The following VAV2 variants were observed in gnomAD, a reference collection of about 807,000 sequenced individuals.
VAV2 encodes vav guanine nucleotide exchange factor 2, also known as guanine nucleotide exchange factor VAV2.
A neutral mutation model predicts 132.5 loss-of-function variants in VAV2; 67 were observed. The observed-to-expected ratio is 0.51, with a 90% confidence interval of 0.42 to 0.62. VAV2 has a LOEUF of 0.62. Ranked by LOEUF, VAV2 falls within the 20% of genes least tolerant of loss-of-function variation. The pLI is 0.00. For missense variants in VAV2, 938 were observed against 1,153.6 expected (o/e 0.81, Z 2.71); for synonymous variants, 492 against 443.5 (o/e 1.11, Z -1.37).
At chr9:133,953,784 T>C (rs16767) in intron 1 of VAV2, among the ~76,000 whole-genome samples, 39,304 of 151,976 alleles carry the variant, frequency 0.26, 5,191 homozygotes, top group East Asian at 0.41. Context: ...CCAGCTCCCA[T>C]GACCCCGGCT....
In VAV2 at chr9:133,768,226, G is replaced by A. The variant is rs1312479315; in HGVS notation, c.2589+216C>T. On this transcript the variant is annotated intron_variant, in intron 29 of 29. Transcript: ENST00000371850. This position sits in a 1 kb window ranked among gnomAD's most constrained non-coding sequence, Gnocchi z 5.3. ...ATCAGACCTCTGTAGCCGATTTCTGGCTGTGTGACCTTGGGTTCGTGGTAA... is the reference window on the plus strand; with the variant it reads ...ATCAGACCTCTGTAGCCGATTTCTGACTGTGTGACCTTGGGTTCGTGGTAA... 1.3e-5 allele frequency among the ~76,000 whole-genome samples: 2 copies of A among 152,186 alleles called. No individual in the cohort carries two copies. Among genetic ancestry groups the A allele is most frequent in the Non-Finnish European group, 1.5e-5 (1 of 68,038 alleles).
chr9:133,774,836 AC>A, intron 25 of VAV2, 98 bp downstream of exon 25: 1 of 1,099,540 alleles, frequency 9.1e-7, no homozygotes, highest in South Asian at 1.5e-5. Context: ...TGACATGTCC[AC>A]CCCAACCCCA....
intron 4 of VAV2, among the ~76,000 whole-genome samples, chr9:133,820,205 T>C (rs1228334613): frequency 6.6e-6 from 1 of 152,320 alleles, no homozygotes; most frequent in Non-Finnish European, 1.5e-5. Flanking sequence ...TGGTGTCACT[T>C]GGGGAAACAA....
At position 133,841,135 on chromosome 9, in the gene VAV2, A is replaced by C. The variant is rs566186602; in HGVS notation, c.381-6795T>G. Among the ~76,000 whole-genome samples the C allele has an allele frequency of 1.2e-4, 19 of 152,176 alleles. 1 individual carries two copies. The East Asian group carries it at 2.9e-3, about 23-fold the overall frequency. ...GCAGGTGCCTGGGTTCTAGGGGACG[A>C]GCCCGGACAGCTCACGCCTTACTGT... On this transcript the variant is annotated intron_variant, in intron 3 of 29. Transcript: ENST00000371850.
Position 133,926,970 on chromosome 9 carries a change from C to A in VAV2, c.321+12133G>T, listed in dbSNP as rs562326198. Among the ~76,000 whole-genome samples, 1 of 152,298 alleles carries A rather than the reference C, an allele frequency of 6.6e-6. No individual in the cohort carries two copies. The highest frequency in any genetic ancestry group is 1.9e-4 in the East Asian group (1 of 5,180). ...CAAACCTCAGCCATCTCAGAAAAATCAATGCAATTCTGCAAACACCGGGCA... is the reference window on the plus strand; with the variant it reads ...CAAACCTCAGCCATCTCAGAAAAATAAATGCAATTCTGCAAACACCGGGCA... On this transcript the variant is annotated intron_variant, in intron 2 of 29. Transcript: ENST00000371850. This position sits in a 1 kb window ranked among gnomAD's most constrained non-coding sequence, Gnocchi z 4.3.
At chr9:133,815,515 C>G (rs1007344216) in intron 4 of VAV2, among the ~76,000 whole-genome samples, 10 of 152,108 alleles carry the variant, frequency 6.6e-5, no homozygotes, top group Non-Finnish European at 8.8e-5. Flanking sequence ...CACAGACGAG[C>G]CTTGTCTGTA....
intron 2 of VAV2, among the ~76,000 whole-genome samples, chr9:133,880,684 A>C (rs1454344138): frequency 6.6e-6 from 1 of 152,254 alleles, no homozygotes; most frequent in Admixed American, 6.5e-5. Flanking sequence ...CAATGTGTCC[A>C]CACTGGTTCA....
intron 8 of VAV2, 90 bp downstream of exon 8, chr9:133,807,168 T>C (rs1835181363): frequency 4.2e-6 from 6 of 1,442,716 alleles, no homozygotes; most frequent in Non-Finnish European, 5.6e-6. Context: ...GGTGCAGCTC[T>C]CCAAGGCCCT....
intron 2 of VAV2, among the ~76,000 whole-genome samples, chr9:133,877,272 C>T (rs1175748066): frequency 6.6e-6 from 1 of 152,202 alleles, no homozygotes; most frequent in African/African-American, 2.4e-5. Flanking sequence ...ACACTCCACA[C>T]TCTGCACAAC....
At chr9:133,774,505 C>T (rs1189279037) in intron 25 of VAV2, among the ~76,000 whole-genome samples, 1 of 152,190 alleles carries the variant, frequency 6.6e-6, no homozygotes, top group Non-Finnish European at 1.5e-5. Flanking sequence ...GCCAAAGCCG[C>T]AAGGCAGCAG....
chr9:133,774,824 G>A, intron 25 of VAV2, 111 bp downstream of exon 25: 1 of 955,000 alleles, frequency 1.0e-6, no homozygotes, highest in East Asian at 2.4e-5. Flanking sequence ...CTTGGCAACA[G>A]ATGACATGTC....
intron 18 of VAV2, 45 bp downstream of exon 18, chr9:133,784,272 T>A: frequency 1.3e-6 from 2 of 1,587,082 alleles, no homozygotes; most frequent in Non-Finnish European, 1.7e-6. Flanking sequence ...GGGCCTGGGC[T>A]GGGCGTGGAG....
chr9:133,770,783 C>T lies in VAV2; in HGVS notation c.2224-282G>A, dbSNP rs1438738738. On this transcript the variant is annotated intron_variant, in intron 26 of 29. Coordinates refer to ENST00000371850, the MANE Select transcript of VAV2 (RefSeq NM_001134398.2). ...GCCTTTATAAAGGAAAGAATGGAAA[C>T]ACTCTGTACCCAGCACTTGGGGTAA... Among the ~76,000 whole-genome samples the T allele has an allele frequency of 3.3e-5, 5 of 152,342 alleles. No homozygotes were observed. The East Asian group carries it at 7.7e-4, about 24-fold the overall frequency.
At position 133,807,289 on chromosome 9, in the gene VAV2, G is replaced by T. The variant is rs368899494; in HGVS notation, c.704C>A (p.Ala235Glu). The change falls in exon 8 of 30, where the codon GCG becomes GAG. Residue 235 changes from alanine to glutamate, a missense_variant. Coordinates refer to ENST00000371850, the MANE Select transcript of VAV2 (RefSeq NM_001134398.2). ...GTTAATGAAGACAGCTGCCATGTCC[G>T]CCGGGCTCAGCACCAGCCGCAGGGG... The part of the protein sequence containing the change: ...MSPLRLVLSP[A>E]DMAAVFINLE... 6.2e-7 allele frequency: 1 copy of T among 1,610,976 alleles called. No individual in the cohort carries two copies. Among genetic ancestry groups the T allele is most frequent in the Non-Finnish European group, 8.5e-7 (1 of 1,179,230 alleles).
In VAV2 at chr9:133,898,087, C is replaced by T. The variant is rs1284352112; in HGVS notation, c.322-36655G>A. 1.0e-4 allele frequency among the ~76,000 whole-genome samples: 6 copies of T among 60,086 alleles called. No homozygotes were observed. In the Admixed American group the frequency reaches 1.5e-3, roughly 15 times the overall value. 39.4% of individuals were successfully genotyped at this position (60,086 alleles called of 152,430 possible). A position where few individuals can be genotyped will look rare whatever the true frequency, so the allele number is the denominator to read the frequency against. On this transcript the variant is annotated intron_variant, in intron 2 of 29. Coordinates refer to ENST00000371850, the MANE Select transcript of VAV2 (RefSeq NM_001134398.2). Reference sequence around the variant, plus strand: ...CGATCACTTCCCCCTTTGAAAATCCCAAGCTCTTCCAACATACTGCATCCG... The same window carrying T: ...CGATCACTTCCCCCTTTGAAAATCCTAAGCTCTTCCAACATACTGCATCCG...
At chr9:133,962,615 T>TCCCCG (rs1564505842) in intron 1 of VAV2, among the ~76,000 whole-genome samples, 3 of 151,460 alleles carry the variant, frequency 2.0e-5, no homozygotes, top group African/African-American at 7.3e-5. Flanking sequence ...CAGAAGCCCC[T>TCCCCG]CCCCGCCCCA....
At chr9:133,796,354 C>A in intron 11 of VAV2, 75 bp downstream of exon 11, 1 of 1,310,882 alleles carries the variant, frequency 7.6e-7, no homozygotes, top group Non-Finnish European at 1.1e-6. Flanking sequence ...GCAACCTATA[C>A]CCCCTGGAAG....
At chr9:133,877,399 A>T (rs2131924264) in intron 2 of VAV2, among the ~76,000 whole-genome samples, 1 of 152,218 alleles carries the variant, frequency 6.6e-6, no homozygotes, top group Admixed American at 6.5e-5. Flanking sequence ...GGACCATCAC[A>T]CTGCCAGGAA....
intron 22 of VAV2, 84 bp downstream of exon 22, chr9:133,778,678 G>A (rs759471580): frequency 5.2e-5 from 81 of 1,552,090 alleles, no homozygotes; most frequent in Non-Finnish European, 6.9e-5. Context: ...GCCTGGGGAT[G>A]TGCAGGACTT....
Sources: allele counts gnomAD v4.1 joint callset (sites outside exome capture counted in the v4.1 genomes callset), GRCh38; gene constraint gnomAD v4.1.1; non-coding constraint Gnocchi (gnomAD v3.1); transcripts MANE v1.5; gene names NCBI Gene and HGNC (gene_info 2026-07-23, HGNC 2026-07-21).